The following DACH2 variants were observed in gnomAD, a reference collection of about 807,000 sequenced individuals.
DACH2 encodes the protein dachshund homolog 2.
Under a neutral mutation model 35.8 loss-of-function variants are expected in DACH2, and 17 were observed. The observed-to-expected ratio is 0.48, with a 90% confidence interval of 0.33 to 0.71. The LOEUF is 0.71. DACH2 is among the 30% of genes least tolerant of loss of function. The probability of loss-of-function intolerance (pLI) is 0.02; values close to 1 mark genes in which losing one functional copy is unlikely to be tolerated. For synonymous variants in DACH2, 195 were observed against 177.3 expected, an observed-to-expected ratio of 1.10 and a Z score of -0.79; for missense variants, 469 against 472.7, an observed-to-expected ratio of 0.99 and a Z score of 0.07.
intron 1 of DACH2, among the ~76,000 whole-genome samples, chrX:86,310,535 A>G (rs181667477): frequency 6.3e-5 from 7 of 111,701 alleles, no homozygotes; most frequent in African/African-American, 2.3e-4. Flanking sequence ...TTTCTAGGAC[A>G]TCCCTGAAGG....
chrX:86,164,963 G>C (rs1468389750), intron 1 of DACH2, among the ~76,000 whole-genome samples: 1 of 107,005 alleles, frequency 9.3e-6, no homozygotes, highest in Non-Finnish European at 2.0e-5. Context: ...TTTTTTTCTA[G>C]TTTTGTGAAG....
intron 1 of DACH2, among the ~76,000 whole-genome samples, chrX:86,320,386 T>C (rs949250605): frequency 5.3e-5 from 6 of 112,337 alleles, no homozygotes; most frequent in Admixed American, 9.4e-5. Context: ...ACCATTTTTT[T>C]CCCCAATTTG....
At chrX:86,706,515 A>C (rs970391964) in intron 5 of DACH2, among the ~76,000 whole-genome samples, 5 of 111,223 alleles carry the variant, frequency 4.5e-5, no homozygotes, top group African/African-American at 1.6e-4. Flanking sequence ...AATTTTTAAA[A>C]TATTAAAAAT....
intron 1 of DACH2, among the ~76,000 whole-genome samples, chrX:86,312,505 G>A (rs890218395): frequency 1.8e-5 from 2 of 111,740 alleles, no homozygotes; most frequent in Non-Finnish European, 3.8e-5. Context: ...GGAATATACA[G>A]TATTAATTCT....
At chrX:86,178,441 CAT>C (rs1413683553) in intron 1 of DACH2, among the ~76,000 whole-genome samples, 1 of 111,415 alleles carries the variant, frequency 9.0e-6, no homozygotes, top group Non-Finnish European at 1.9e-5. Flanking sequence ...CAGTGCCAAA[CAT>C]AGTACATGGA....
chrX:86,418,126 C>T (rs2036740781), intron 2 of DACH2, among the ~76,000 whole-genome samples: 1 of 112,341 alleles, frequency 8.9e-6, no homozygotes. Flanking sequence ...TCTTGGACAG[C>T]TCCACCCCTG....
chrX:86,576,807 C>T (rs1305979614), intron 3 of DACH2, among the ~76,000 whole-genome samples: 2 of 110,540 alleles, frequency 1.8e-5, no homozygotes, highest in South Asian at 7.7e-4. Context: ...GTTAGTTCCC[C>T]TGAGAACTGA....
At chrX:86,456,029 G>T (rs1352647211) in intron 2 of DACH2, among the ~76,000 whole-genome samples, 6 of 112,167 alleles carry the variant, frequency 5.3e-5, no homozygotes, top group Admixed American at 9.4e-5. Flanking sequence ...GAGAAGCATG[G>T]TTTCCCTGGC....
intron 11 of DACH2, chrX:86,829,936 T>G (rs2042597275): frequency 9.0e-6 from 1 of 111,398 alleles, no homozygotes; most frequent in Admixed American, 9.6e-5. Context: ...ATCTTTAATC[T>G]TATTGACATC....
intron 1 of DACH2, among the ~76,000 whole-genome samples, chrX:86,180,188 A>ATATATATATATATATATATG (rs1407328379): frequency 2.4e-5 from 2 of 82,441 alleles, no homozygotes; most frequent in Non-Finnish European, 4.8e-5. Flanking sequence ...ATATATATAT[A>ATATATATATATATATATATG]TATATATATA....
rs773646690 is a variant in DACH2 at position 86,499,837 on chromosome X, C to T, written c.528-14442C>T. Among the ~76,000 whole-genome samples, 3 of 111,803 alleles carry T rather than the reference C, an allele frequency of 2.7e-5. No individual in the cohort carries two copies. In the South Asian group the frequency reaches 1.1e-3, roughly 42 times the overall value. ...CCACAATGCTTTCCTTTCAGGCAAT[C>T]ATGTGCTGGTAAATGTTTAACAACT... On this transcript the variant is annotated intron_variant, in intron 2 of 11. Coordinates refer to ENST00000373125, the MANE Select transcript of DACH2 (RefSeq NM_053281.3).
intron 6 of DACH2, among the ~76,000 whole-genome samples, chrX:86,731,939 C>T (rs1424248704): frequency 8.9e-6 from 1 of 112,061 alleles, no homozygotes; most frequent in African/African-American, 3.2e-5. Flanking sequence ...AGCAACACTG[C>T]CCGTAATGGT....
chrX:86,531,938 T>A lies in DACH2; in HGVS notation c.640+17547T>A, dbSNP rs977962787. ...CCCAAGTTCTTGGGAGTCCACCCCT[T>A]GCATCAGCATACCCTGGATGTGAGA... On this transcript the variant is annotated intron_variant, in intron 3 of 11. Transcript: ENST00000373125. Among the ~76,000 whole-genome samples the A allele has an allele frequency of 1.2e-4, 13 of 113,007 alleles. No homozygotes were observed. The Admixed American group carries it at 1.2e-3, about 11-fold the overall frequency.
intron 1 of DACH2, among the ~76,000 whole-genome samples, chrX:86,162,478 G>A (rs1194519432): frequency 9.0e-6 from 1 of 111,221 alleles, no homozygotes. Context: ...ACTGATAGAG[G>A]CATATCCATA....
chrX:86,446,308 T>C (rs1336030507), intron 2 of DACH2, among the ~76,000 whole-genome samples: 5 of 68,351 alleles, frequency 7.3e-5, no homozygotes, highest in African/African-American at 2.3e-4. Flanking sequence ...TTTTTTTTTA[T>C]TATACTCTAA....
At chrX:86,743,198 A>G (rs1244799904) in intron 7 of DACH2, among the ~76,000 whole-genome samples, 1 of 111,329 alleles carries the variant, frequency 9.0e-6, no homozygotes, top group Non-Finnish European at 1.9e-5. Context: ...TTAGCCCATC[A>G]GGTATTTACC....
intron 3 of DACH2, among the ~76,000 whole-genome samples, chrX:86,627,704 T>A (rs1246653893): frequency 8.9e-6 from 1 of 112,069 alleles, no homozygotes; most frequent in Non-Finnish European, 1.9e-5. Context: ...ACATCTATAT[T>A]TAATTTTATG....
In DACH2 at chrX:86,623,965, G is replaced by A. The variant is rs760090029; in HGVS notation, c.641-27071G>A. The stretch of plus-strand genomic sequence containing the variant: ...CAGGAGGCTGAGGCAGGAGAATGGC[G>A]TGAACCCGGGAGGCGGAGCTTGCAG... On this transcript the variant is annotated intron_variant, in intron 3 of 11. Transcript: ENST00000373125. Among the ~76,000 whole-genome samples the A allele has an allele frequency of 6.4e-5, 6 of 93,435 alleles. 1 individual carries two copies. In the South Asian group the frequency reaches 3.3e-3, roughly 52 times the overall value. 81.1% of individuals were successfully genotyped at this position (93,435 alleles called of 115,157 possible). A position where few individuals can be genotyped will look rare whatever the true frequency, so the allele number is the denominator to read the frequency against.
intron 5 of DACH2, among the ~76,000 whole-genome samples, chrX:86,698,435 T>TGTAAC (rs2041091847): frequency 1.8e-5 from 2 of 108,150 alleles, no homozygotes; most frequent in Admixed American, 2.0e-4. Flanking sequence ...GTTTGATTTA[T>TGTAAC]GTAACGAAAG....
Sources: allele counts gnomAD v4.1 joint callset (sites outside exome capture counted in the v4.1 genomes callset), GRCh38; gene constraint gnomAD v4.1.1; transcripts MANE v1.5; gene names NCBI Gene and HGNC (gene_info 2026-07-23, HGNC 2026-07-21).